RBM47: variants seen among roughly 807,000 people sequenced by gnomAD.
RBM47 encodes the protein RNA-binding protein 47.
Under a neutral mutation model 47.1 loss-of-function variants are expected in RBM47, and 21 were observed. That is an observed-to-expected ratio of 0.45 (90% CI 0.32 to 0.64). The LOEUF (loss-of-function observed/expected upper bound fraction) is 0.64. RBM47 is among the 30% of genes least tolerant of loss of function. The pLI is 0.05. For synonymous variants in RBM47, 375 were observed against 361.7 expected, an observed-to-expected ratio of 1.04 and a Z score of -0.42; for missense variants, 708 against 870.9, an observed-to-expected ratio of 0.81 and a Z score of 2.35.
At chr4:40,591,792 C>T (rs924496239) in intron 1 of RBM47, among the ~76,000 whole-genome samples, 4 of 152,140 alleles carry the variant, frequency 2.6e-5, no homozygotes, top group Admixed American at 6.6e-5. Flanking sequence ...CTCTCCAGAG[C>T]GTCAACACTG....
chr4:40,498,054 T>TATATA (rs1553890650), intron 2 of RBM47, among the ~76,000 whole-genome samples: 8,191 of 109,732 alleles, frequency 0.075, 544 homozygotes, highest in Non-Finnish European at 0.11. Flanking sequence ...AGTGCTTGTT[T>TATATA]TATATATATA....
intron 1 of RBM47, among the ~76,000 whole-genome samples, chr4:40,617,151 C>T (rs1736829194): frequency 6.6e-6 from 1 of 151,948 alleles, no homozygotes. Context: ...GCTGGGATTA[C>T]AGGCGTGAGA....
chr4:40,603,712 C>A (rs1041071746), intron 1 of RBM47, among the ~76,000 whole-genome samples: 1 of 152,092 alleles, frequency 6.6e-6, no homozygotes, highest in Non-Finnish European at 1.5e-5. Context: ...AGTGCTACTC[C>A]CACCTCAGCC....
At chr4:40,535,507 G>A (rs1220618955) in intron 2 of RBM47, among the ~76,000 whole-genome samples, 3 of 151,138 alleles carry the variant, frequency 2.0e-5, no homozygotes, top group Admixed American at 6.6e-5. Context: ...GAGTAGCCGG[G>A]ATTACAGGTG....
Position 40,425,999 on chromosome 4 carries a change from C to T in RBM47, c.1687G>A (p.Ala563Thr). 6.2e-7 allele frequency: 1 copy of T among 1,613,982 alleles called. No individual in the cohort carries two copies. Among genetic ancestry groups the T allele is most frequent in the Non-Finnish European group, 8.5e-7 (1 of 1,179,852 alleles). ...ATLQKNAAAA[A>T]AMYGGYAGYI... is the part of the protein sequence containing the mutation. Reference sequence around the variant, plus strand: ...CCTGCGTATCCTCCATACATGGCGGCCGCGGCTGCCGCGTTCTTCTGTAGT... The same window carrying T: ...CCTGCGTATCCTCCATACATGGCGGTCGCGGCTGCCGCGTTCTTCTGTAGT... Residue 563 changes from alanine to threonine, a missense_variant, in exon 7 of 7, where the codon GCC becomes ACC. Coordinates refer to ENST00000295971, the MANE Select transcript of RBM47 (RefSeq NM_001098634.2).
chr4:40,471,841 G>A (rs1718922587), intron 2 of RBM47, among the ~76,000 whole-genome samples: 1 of 152,242 alleles, frequency 6.6e-6, no homozygotes. Context: ...CTCATCTTGT[G>A]TTACTTCCCC....
intron 1 of RBM47, among the ~76,000 whole-genome samples, chr4:40,590,746 G>A (rs992159324): frequency 1.3e-5 from 2 of 152,222 alleles, no homozygotes; most frequent in Non-Finnish European, 2.9e-5. Context: ...TAACATGGAT[G>A]GACTGTGAGC....
At chr4:40,612,444 G>A (rs964970388) in intron 1 of RBM47, among the ~76,000 whole-genome samples, 3 of 152,128 alleles carry the variant, frequency 2.0e-5, no homozygotes, top group African/African-American at 7.2e-5. Context: ...CCCAGGAGGC[G>A]GAGGTTGCAG....
chr4:40,547,780 C>T (rs546103789), intron 1 of RBM47, among the ~76,000 whole-genome samples: 107 of 152,344 alleles, frequency 7.0e-4, no homozygotes, highest in African/African-American at 2.1e-3. Flanking sequence ...ATACAAAAGA[C>T]GGCTATGGCT....
In RBM47 at chr4:40,485,632, T is replaced by C. The variant is rs556514670; in HGVS notation, c.-154-18933A>G. 7.2e-5 allele frequency among the ~76,000 whole-genome samples: 11 copies of C among 152,302 alleles called. No individual in the cohort carries two copies. The South Asian group carries it at 2.1e-3, about 29-fold the overall frequency. ...CCCCAAGTGTCAGGTGAAATTACTA[T>C]AAGAATTAAGTGAGAATTACTTTGA... is the stretch of plus-strand genomic sequence containing the variant. On this transcript the variant is annotated intron_variant, in intron 2 of 6. Transcript: ENST00000295971.
rs1340472225 is a variant in RBM47, at chr4:40,496,929, T to A, written c.-154-30230A>T. 4.0e-5 allele frequency among the ~76,000 whole-genome samples: 6 copies of A among 151,152 alleles called. No homozygotes were observed. The East Asian group carries it at 9.7e-4, about 25-fold the overall frequency. Reference sequence around the variant, plus strand: ...GTGGCACATGCCCTATAATCCCAGCTACTCAGGAGGCTGAGGCAGGAGAAT... The same window carrying A: ...GTGGCACATGCCCTATAATCCCAGCAACTCAGGAGGCTGAGGCAGGAGAAT... On this transcript the variant is annotated intron_variant, in intron 2 of 6. Transcript: ENST00000295971.
At chr4:40,462,433 T>C (rs1287940966) in intron 3 of RBM47, among the ~76,000 whole-genome samples, 1 of 152,146 alleles carries the variant, frequency 6.6e-6, no homozygotes, top group Non-Finnish European at 1.5e-5. Context: ...CTGCTGCAAA[T>C]ATATGCACCT....
chr4:40,496,009 G>C (rs1163398154), intron 2 of RBM47, among the ~76,000 whole-genome samples: 1 of 152,132 alleles, frequency 6.6e-6, no homozygotes, highest in East Asian at 1.9e-4. Context: ...AACTGAGATG[G>C]CTCAAAGGAC....
chr4:40,518,194 A>G (rs1725825735), intron 2 of RBM47, among the ~76,000 whole-genome samples: 1 of 101,960 alleles, frequency 9.8e-6, no homozygotes, highest in Admixed American at 1.6e-4. Flanking sequence ...TTTGAGATGA[A>G]GTCTCACTCT....
intron 1 of RBM47, among the ~76,000 whole-genome samples, chr4:40,589,762 GAATTGTACAACATATGAATAATATCTT>G (rs1240569994): frequency 6.6e-6 from 1 of 152,190 alleles, no homozygotes; most frequent in African/African-American, 2.4e-5. Flanking sequence ...TTAAAAGGGT[GAATTGTACAACATATGAATAATATCTT>G]AATAAAGCTG....
At chr4:40,543,391 T>C (rs1410957117) in intron 2 of RBM47, 1 of 152,132 alleles carries the variant, frequency 6.6e-6, no homozygotes, top group Non-Finnish European at 1.5e-5. Context: ...TTATCTCACA[T>C]GGGCTGTTCT....
At chr4:40,611,528 G>A (rs1023713791) in intron 1 of RBM47, among the ~76,000 whole-genome samples, 3 of 151,630 alleles carry the variant, frequency 2.0e-5, no homozygotes, top group African/African-American at 7.3e-5. Flanking sequence ...TCAGTAGTTC[G>A]AGGCTAACAT....
intron 1 of RBM47, among the ~76,000 whole-genome samples, chr4:40,572,664 C>G (rs1002389824): frequency 2.0e-5 from 3 of 151,242 alleles, no homozygotes; most frequent in Non-Finnish European, 3.0e-5. Flanking sequence ...TTTGGGAGAC[C>G]GAGATGGGAG....
intron 2 of RBM47, among the ~76,000 whole-genome samples, chr4:40,522,991 A>G (rs1726347010): frequency 7.2e-6 from 1 of 138,378 alleles, no homozygotes; most frequent in Admixed American, 7.5e-5. Flanking sequence ...TTTTTTTTAC[A>G]CAGAGTCTCA....
Sources: gnomAD v4.1 joint callset for allele counts (sites outside exome capture counted in the v4.1 genomes callset) on GRCh38, gnomAD v4.1.1 for gene constraint, MANE v1.5 for transcripts, NCBI Gene and HGNC (gene_info 2026-07-23, HGNC 2026-07-21) for gene names.